Variants in CSMD1 observed in about 807,000 individuals in gnomAD.
The protein encoded by CSMD1 is CUB and sushi domain-containing protein 1.
Under a neutral mutation model 417.5 loss-of-function variants are expected in CSMD1, and 213 were observed. That is an observed-to-expected ratio of 0.51 (90% CI 0.46 to 0.57). The LOEUF is 0.57. Among genes scored for constraint, CSMD1 ranks in the 20% least tolerant of loss-of-function variants. The pLI, the probability that CSMD1 is intolerant of heterozygous loss-of-function variation, is 0.00. For synonymous variants in CSMD1, 2,862 were observed against 1,736.8 expected (o/e 1.65, Z -16.11); for missense variants, 6,923 against 4,529.7 (o/e 1.53, Z -15.17).
At chr8:4,624,543 C>A (rs918854510) in intron 2 of CSMD1, among the ~76,000 whole-genome samples, 1 of 152,090 alleles carries the variant, frequency 6.6e-6, no homozygotes, top group Non-Finnish European at 1.5e-5. Flanking sequence ...GGAATTTAAA[C>A]CGGAGGGGAT....
chr8:4,644,565 C>T (rs557299136), intron 1 of CSMD1, among the ~76,000 whole-genome samples: 12 of 152,296 alleles, frequency 7.9e-5, no homozygotes, highest in African/African-American at 2.4e-4. Context: ...CGCCACCACA[C>T]CTGACTAATA....
intron 5 of CSMD1, among the ~76,000 whole-genome samples, chr8:3,958,667 A>G (rs1210194167): frequency 1.3e-5 from 2 of 152,178 alleles, no homozygotes; most frequent in Non-Finnish European, 2.9e-5. Context: ...ATAAAAACAA[A>G]ATGTCAAAGA....
chr8:3,736,192 T>C (rs750611200), intron 6 of CSMD1, among the ~76,000 whole-genome samples: 1 of 152,024 alleles, frequency 6.6e-6, no homozygotes, highest in Non-Finnish European at 1.5e-5. Context: ...CTATGTGTAT[T>C]AACACAATTT....
chr8:4,171,918 G>C (rs984794158), intron 3 of CSMD1, among the ~76,000 whole-genome samples: 1 of 152,018 alleles, frequency 6.6e-6, no homozygotes, highest in African/African-American at 2.4e-5. Flanking sequence ...CATAAATTAT[G>C]TTTCTCGCAA....
intron 21 of CSMD1, among the ~76,000 whole-genome samples, chr8:3,350,414 T>C (rs1025027660): frequency 2.0e-5 from 3 of 152,082 alleles, no homozygotes; most frequent in African/African-American, 7.2e-5. Flanking sequence ...ATAGAATAGT[T>C]TACAAACCAA....
At chr8:3,696,111 T>G (rs1326228714) in intron 7 of CSMD1, among the ~76,000 whole-genome samples, 1 of 152,194 alleles carries the variant, frequency 6.6e-6, no homozygotes, top group Non-Finnish European at 1.5e-5. Flanking sequence ...TCAGTTACCT[T>G]GAATTTTCAC....
chr8:3,204,016 A>C (rs1797120510), intron 31 of CSMD1, among the ~76,000 whole-genome samples: 1 of 152,200 alleles, frequency 6.6e-6, no homozygotes, highest in Admixed American at 6.6e-5. Context: ...ATACTGTGAG[A>C]TTAATTGTTT....
chr8:3,775,095 A>G lies in CSMD1; in HGVS notation c.819-21053T>C, dbSNP rs574936409. ...GAATTGTTTGTTTCTGGAATTTTCT[A>G]TTTAATGTTTTTAGACTGCTGTTGA... On this transcript the variant is annotated intron_variant, in intron 5 of 69. Transcript: ENST00000635120. 1.5e-4 allele frequency among the ~76,000 whole-genome samples: 23 copies of G among 152,316 alleles called. No individual in the cohort carries two copies. The South Asian group carries it at 3.9e-3, about 26-fold the overall frequency.
At position 2,950,006 on chromosome 8, in the gene CSMD1, C is replaced by T. The variant is rs76424766; in HGVS notation, c.10314+225G>A. 0.042 allele frequency among the ~76,000 whole-genome samples: 6,371 copies of T among 152,166 alleles called. 177 individuals carry two copies. Among genetic ancestry groups the T allele is most frequent in the Non-Finnish European group, 0.064 (4,359 of 67,984 alleles). The stretch of plus-strand genomic sequence containing the variant: ...TGTTCTGTCCTCAACAGTAACCACC[C>T]CTTTAAGGATGGCCAGTTCATTGCT... On this transcript the variant is annotated intron_variant, in intron 67 of 69. Coordinates refer to ENST00000635120, the MANE Select transcript of CSMD1 (RefSeq NM_033225.6).
intron 5 of CSMD1, among the ~76,000 whole-genome samples, chr8:3,984,821 G>A (rs1337830906): frequency 1.3e-5 from 2 of 148,524 alleles, no homozygotes; most frequent in African/African-American, 4.9e-5. Flanking sequence ...AAAAACTAGA[G>A]GGAATGGAAG....
intron 6 of CSMD1, among the ~76,000 whole-genome samples, chr8:3,726,596 G>C (rs577562794): frequency 2.6e-4 from 39 of 152,204 alleles, no homozygotes; most frequent in Non-Finnish European, 4.6e-4. Context: ...GGATATTCAT[G>C]TGAAGTTCCC....
chr8:4,484,648 G>C (rs929268987), intron 2 of CSMD1, among the ~76,000 whole-genome samples: 6 of 151,956 alleles, frequency 3.9e-5, no homozygotes, highest in African/African-American at 1.5e-4. Context: ...ACATCTTCCT[G>C]CATGGTCCCT....
chr8:3,260,800 C>G (rs977765081), intron 26 of CSMD1, among the ~76,000 whole-genome samples: 1 of 152,136 alleles, frequency 6.6e-6, no homozygotes, highest in Non-Finnish European at 1.5e-5. Flanking sequence ...ATAAATGAGA[C>G]TTCATCAAAA....
At chr8:4,282,237 G>A (rs956429623) in intron 3 of CSMD1, among the ~76,000 whole-genome samples, 1 of 152,132 alleles carries the variant, frequency 6.6e-6, no homozygotes, top group East Asian at 1.9e-4. Flanking sequence ...TCTTACAACT[G>A]CATGCAAAGG....
At chr8:3,213,830 GTA>G (rs1485979276) in intron 30 of CSMD1, among the ~76,000 whole-genome samples, 2 of 146,648 alleles carry the variant, frequency 1.4e-5, no homozygotes, top group African/African-American at 2.6e-5. Context: ...GTGTGTCTGT[GTA>G]TGTGTGTGTG....
At position 3,416,516 on chromosome 8, in the gene CSMD1, G is replaced by C. The variant is rs73657870; in HGVS notation, c.1562-6911C>G. 2.6e-3 allele frequency among the ~76,000 whole-genome samples: 395 copies of C among 152,206 alleles called. 2 individuals carry two copies. The highest frequency in any genetic ancestry group is 9.1e-3 in the African/African-American group (380 of 41,532). The stretch of plus-strand genomic sequence containing the variant: ...GGTGTATACTTGAATTTCAAAAAGA[G>C]CTAAGAAGGCAGAAAGGAATGAGAC... On this transcript the variant is annotated intron_variant, in intron 12 of 69. Transcript: ENST00000635120.
At chr8:3,272,251 C>A (rs1301995621) in intron 26 of CSMD1, among the ~76,000 whole-genome samples, 1 of 142,884 alleles carries the variant, frequency 7.0e-6, no homozygotes, top group Non-Finnish European at 1.5e-5. Context: ...AGATATGCGG[C>A]GTTATTTCTG....
chr8:4,747,789 A>G (rs1005606569), intron 1 of CSMD1, among the ~76,000 whole-genome samples: 1 of 152,226 alleles, frequency 6.6e-6, no homozygotes, highest in Non-Finnish European at 1.5e-5. Flanking sequence ...AGAGGCTAAA[A>G]AAAACATCGA....
At chr8:3,305,169 G>A (rs1345214959) in intron 25 of CSMD1, among the ~76,000 whole-genome samples, 1 of 152,130 alleles carries the variant, frequency 6.6e-6, no homozygotes, top group Non-Finnish European at 1.5e-5. Context: ...ACAGGTGTGA[G>A]CCGCTATGCC....
Sources: gnomAD v4.1 joint callset for allele counts (sites outside exome capture counted in the v4.1 genomes callset) on GRCh38, gnomAD v4.1.1 for gene constraint, MANE v1.5 for transcripts, NCBI Gene and HGNC (gene_info 2026-07-23, HGNC 2026-07-21) for gene names.